HAPLN2: variants seen among roughly 807,000 people sequenced by gnomAD.
HAPLN2 encodes the protein brain link protein-1.
HAPLN2 carries 27 observed loss-of-function variants against 29.3 expected under a neutral mutation model. That is an observed-to-expected ratio of 0.92 (90% CI 0.68 to 1.27). HAPLN2 has a LOEUF of 1.27. HAPLN2 is among the 50% of genes most tolerant of loss of function. The pLI is 0.00. For missense variants in HAPLN2, 454 were observed against 484.3 expected (o/e 0.94, Z 0.59); for synonymous variants, 208 against 211.7 (o/e 0.98, Z 0.15).
Position 156,623,824 on chromosome 1 carries a change from C to T in HAPLN2, c.103C>T (p.His35Tyr). The T allele has an allele frequency of 6.5e-7, 1 of 1,527,492 alleles. No individual in the cohort carries two copies. Among genetic ancestry groups the T allele is most frequent in the Non-Finnish European group, 8.8e-7 (1 of 1,138,580 alleles). The allele number at this position is 1,527,492 out of a possible 1,614,324, so 94.6% of individuals were successfully genotyped here. A position where few individuals can be genotyped will look rare whatever the true frequency, so the allele number is the denominator to read the frequency against. ...CTGCCCAGCATCCCACCCGGGCCCC[C>T]ACTACCTCCTGCCCCCCATCCACGA... ...QGDPASHPGP[H>Y]YLLPPIHEVI... The change falls in exon 4 of 7, where the codon CAC (histidine) becomes TAC (tyrosine). Residue 35 changes from histidine (H) to tyrosine (Y), a missense_variant. His to Tyr is a moderately conservative substitution (Grantham distance 83). Around this residue, in one of 3 missense-constraint regions of HAPLN2, gnomAD observed 204 missense variants for 209.2 expected, o/e 0.98. Transcript: ENST00000255039.
In HAPLN2 at chr1:156,625,266, T is replaced by C. The variant is rs1357852744; in HGVS notation, c.905T>C (p.Phe302Ser). The C allele has an allele frequency of 6.3e-7, 1 of 1,576,714 alleles. No homozygotes were observed. Among genetic ancestry groups the C allele is most frequent in the Admixed American group, 1.8e-5 (1 of 54,950 alleles). ...GGWLADGSVR[F>S]PITTPRPRCG... ...TGGCTGGCTGACGGCAGTGTGCGCT[T>C]CCCAATCACCACGCCGAGGCCGCGC... Residue 302 changes from phenylalanine (F) to serine (S), a missense_variant, in exon 7 of 7, where the codon TTC (phenylalanine) becomes TCC (serine). This residue lies in a region of HAPLN2 where 235 missense variants were observed against 236.9 expected (regional missense o/e 0.99). Transcript: ENST00000255039. This position sits in a 1 kb window ranked among gnomAD's most constrained non-coding sequence, Gnocchi z 5.7.
chr1:156,623,814 C>T lies in HAPLN2; in HGVS notation c.93C>T (p.His31=). The change falls in exon 4 of 7, where the codon CAC becomes CAT. Residue 31 remains histidine, a synonymous_variant. Coordinates refer to ENST00000255039, the MANE Select transcript of HAPLN2 (RefSeq NM_021817.3). The part of the protein sequence containing the change: ...FHKAQGDPAS[H]PGPHYLLPPI... ...GTGGCCCCCTCTGCCCAGCATCCCACCCGGGCCCCCACTACCTCCTGCCCC... is the reference window on the plus strand; with the variant it reads ...GTGGCCCCCTCTGCCCAGCATCCCATCCGGGCCCCCACTACCTCCTGCCCC... 2.0e-6 allele frequency: 3 copies of T among 1,516,360 alleles called. No homozygotes were observed. The highest frequency in any genetic ancestry group is 2.6e-6 in the Non-Finnish European group (3 of 1,133,494). 93.9% of individuals were successfully genotyped at this position (1,516,360 alleles called of 1,614,324 possible).
the HAPLN2 span, among the ~76,000 whole-genome samples, chr1:156,610,273 C>T: frequency 3.9e-5 from 6 of 152,082 alleles, no homozygotes; most frequent in Non-Finnish European, 5.9e-5. Flanking sequence ...ACTATGCAGA[C>T]ATGAAAAATG....
the HAPLN2 span, among the ~76,000 whole-genome samples, chr1:156,611,266 TAAAAA>T: frequency 1.4e-5 from 2 of 138,450 alleles, no homozygotes. Context: ...AGTGAGACCC[TAAAAA>T]AAAAAAAAAA....
chr1:156,620,623 C>T (rs550722213), intron 2 of HAPLN2, among the ~76,000 whole-genome samples: 1 of 152,200 alleles, frequency 6.6e-6, no homozygotes, highest in Non-Finnish European at 1.5e-5. Context: ...GAGAAGTTTT[C>T]TATGCATAAC....
chr1:156,624,644 C>T lies in HAPLN2; in HGVS notation c.600C>T (p.Leu200=). 6.2e-7 allele frequency: 1 copy of T among 1,611,764 alleles called. No individual in the cohort carries two copies. Among genetic ancestry groups the T allele is most frequent in the South Asian group, 1.1e-5 (1 of 90,940 alleles). Residue 200 remains leucine (L), a synonymous_variant, in exon 6 of 7, where the codon CTC becomes CTT. Coordinates refer to ENST00000255039, the MANE Select transcript of HAPLN2 (RefSeq NM_021817.3). ...GLDWCNAGWL[L]EGSVRYPVLT... is the part of the protein sequence containing the mutation. ...ACTGGTGTAACGCGGGCTGGCTGCT[C>T]GAGGGCTCCGTGCGCTACCCTGTGC...
intron 2 of HAPLN2, among the ~76,000 whole-genome samples, chr1:156,622,413 C>A (rs769774333): frequency 2.9e-4 from 44 of 151,950 alleles, no homozygotes; most frequent in African/African-American, 1.0e-3. Context: ...ATGATCATAC[C>A]ACTGCACTCC....
At chr1:156,601,645 C>G in the HAPLN2 span, 3 of 611,192 alleles carry the variant, frequency 4.9e-6, no homozygotes, top group South Asian at 3.9e-5. Context: ...GGCTGTTCCA[C>G]TTGCCTCATC....
chr1:156,610,117 G>A, the HAPLN2 span, among the ~76,000 whole-genome samples: 2 of 152,098 alleles, frequency 1.3e-5, no homozygotes, highest in African/African-American at 4.8e-5. Flanking sequence ...GGGAGGCTGA[G>A]GCAGTGAAAT....
At chr1:156,611,658 A>G in the HAPLN2 span, among the ~76,000 whole-genome samples, 4 of 152,234 alleles carry the variant, frequency 2.6e-5, no homozygotes, top group African/African-American at 7.2e-5. Flanking sequence ...GATCCCTTCA[A>G]TCAATCAGTA....
At chr1:156,623,666 A>G in intron 3 of HAPLN2, 91 bp downstream of exon 3, 1 of 1,563,074 alleles carries the variant, frequency 6.4e-7, no homozygotes, top group Non-Finnish European at 8.7e-7. Flanking sequence ...GCAGGTACCC[A>G]GGGACTGAAA....
chr1:156,609,403 CTA>C, the HAPLN2 span, among the ~76,000 whole-genome samples: 2 of 152,322 alleles, frequency 1.3e-5, no homozygotes, highest in Admixed American at 6.5e-5. Context: ...GTCATTTTCT[CTA>C]TGTGGTAGGA....
At chr1:156,607,404 C>T in the HAPLN2 span, among the ~76,000 whole-genome samples, 14 of 152,054 alleles carry the variant, frequency 9.2e-5, no homozygotes, top group East Asian at 2.7e-3. Context: ...CGCTTGAACT[C>T]AGGAGGTGGA....
At chr1:156,622,328 C>T (rs1380474593) in intron 2 of HAPLN2, among the ~76,000 whole-genome samples, 2 of 151,974 alleles carry the variant, frequency 1.3e-5, no homozygotes, top group African/African-American at 4.8e-5. Context: ...ATGGTGTGCG[C>T]CTGTAGTCCC....
chr1:156,623,906 C>A lies in HAPLN2; in HGVS notation c.185C>A (p.Thr62Lys). The A allele has an allele frequency of 2.5e-6, 4 of 1,600,002 alleles. No homozygotes were observed. The highest frequency in any genetic ancestry group is 3.4e-6 in the Non-Finnish European group (4 of 1,173,318). Reference sequence around the variant, plus strand: ...ACGCTGCCCTGCGTCCTGGGCACCACGCCTCCCAGCTACAAGGTGCGCTGG... The same window carrying A: ...ACGCTGCCCTGCGTCCTGGGCACCAAGCCTCCCAGCTACAAGGTGCGCTGG... ...TATLPCVLGT[T>K]PPSYKVRWSK... Residue 62 changes from threonine (T) to lysine (K), a missense_variant, in exon 4 of 7, where the codon ACG becomes AAG. Physicochemically the swap from Thr to Lys is moderately conservative, Grantham distance 78. This residue lies in a region of HAPLN2 where 204 missense variants were observed against 209.2 expected (regional missense o/e 0.98). Coordinates refer to ENST00000255039, the MANE Select transcript of HAPLN2 (RefSeq NM_021817.3).
Position 156,624,397 on chromosome 1 carries a change from T to C in HAPLN2, c.486T>C (p.Asn162=). The C allele has an allele frequency of 6.2e-7, 1 of 1,609,892 alleles. No homozygotes were observed. Among genetic ancestry groups the C allele is most frequent in the Non-Finnish European group, 8.5e-7 (1 of 1,178,346 alleles). Reference sequence around the variant, plus strand: ...CCAGCCGGGGCCGGTACCAGTTCAATTACTACGAGGCGAAGCAGGCGTGCG... The same window carrying C: ...CCAGCCGGGGCCGGTACCAGTTCAACTACTACGAGGCGAAGCAGGCGTGCG... ...YQPSRGRYQF[N]YYEAKQACEE... is the part of the protein sequence containing the mutation. The change falls in exon 5 of 7, where the codon AAT becomes AAC. Residue 162 remains asparagine, a synonymous_variant. Transcript: ENST00000255039.
intron 6 of HAPLN2, 130 bp downstream of exon 6, chr1:156,624,913 G>A: frequency 2.9e-6 from 2 of 698,290 alleles, no homozygotes; most frequent in East Asian, 4.4e-5. Context: ...CCATCAGCCC[G>A]CCCGCCCGCC....
Position 156,625,525 on chromosome 1 carries a change from G to A in HAPLN2, c.*141G>A. On this transcript the variant is annotated 3_prime_UTR_variant, in exon 7 of 7. Coordinates refer to ENST00000255039, the MANE Select transcript of HAPLN2 (RefSeq NM_021817.3). This position sits in a 1 kb window ranked among gnomAD's most constrained non-coding sequence, Gnocchi z 5.7. Reference sequence around the variant, plus strand: ...AGACCTGCCTTCCCAGCCGGGGGCTGCGGGCCTCGGACCCCGGCTGGCCCG... The same window carrying A: ...AGACCTGCCTTCCCAGCCGGGGGCTACGGGCCTCGGACCCCGGCTGGCCCG... The A allele has an allele frequency of 1.2e-6, 1 of 867,198 alleles. No individual in the cohort carries two copies. The highest frequency in any genetic ancestry group is 1.6e-6 in the Non-Finnish European group (1 of 617,988). 53.7% of individuals were successfully genotyped at this position (867,198 alleles called of 1,614,324 possible).
chr1:156,625,479 C>T lies in HAPLN2; in HGVS notation c.*95C>T. ...CTTTCCGGAGAGCCTCCCCTCCCTC[C>T]AGACCCGGAGCGGCCTCTCCAGACC... On this transcript the variant is annotated 3_prime_UTR_variant, in exon 7 of 7. Transcript: ENST00000255039. This position sits in a 1 kb window ranked among gnomAD's most constrained non-coding sequence, Gnocchi z 5.7. 2 of 1,316,018 alleles carry T rather than the reference C, an allele frequency of 1.5e-6. No homozygotes were observed. The highest frequency in any genetic ancestry group is 2.0e-6 in the Non-Finnish European group (2 of 983,674). 81.5% of individuals were successfully genotyped at this position (1,316,018 alleles called of 1,614,324 possible).
Sources: gnomAD v4.1 joint callset for allele counts (sites outside exome capture counted in the v4.1 genomes callset) on GRCh38, gnomAD v4.1.1 for gene constraint, gnomAD v4.1.1 regional missense constraint, Gnocchi (gnomAD v3.1) non-coding constraint, MANE v1.5 for transcripts, NCBI Gene and HGNC (gene_info 2026-07-23, HGNC 2026-07-21) for gene names.